Variants in ZNF611 observed in about 807,000 individuals in gnomAD.
The protein encoded by ZNF611 is zinc finger protein 611.
In ZNF611, 6 loss-of-function variants were observed where a neutral mutation model predicts 8.9. The ratio of observed to expected loss-of-function variants is 0.68; its 90% CI spans 0.37 to 1.34. ZNF611 has a LOEUF of 1.34. Among genes scored for constraint, ZNF611 ranks in the 40% most tolerant of loss-of-function variants. ZNF611 has a pLI of 0.02. For synonymous variants in ZNF611, 262 were observed against 279.7 expected (o/e 0.94, Z 0.63); for missense variants, 874 against 841.3 (o/e 1.04, Z -0.48).
chr19:52,715,062 C>A (rs2147428463), intron 4 of ZNF611, among the ~76,000 whole-genome samples: 1 of 152,152 alleles, frequency 6.6e-6, no homozygotes, highest in East Asian at 1.9e-4. Flanking sequence ...ATAGACATGC[C>A]AGATATTATG....
Position 52,705,902 on chromosome 19 carries a change from T to C in ZNF611, c.1153A>G (p.Ile385Val), listed in dbSNP as rs749577320. The C allele has an allele frequency of 1.2e-6, 2 of 1,614,104 alleles. No individual in the cohort carries two copies. The highest frequency in any genetic ancestry group is 1.1e-5 in the South Asian group (1 of 91,036). ...CDKVFSRKST[I>V]ETHKRIHTGE... ...GTATGAATTCTCTTATGTGTCTCAA[T>C]GGTTGATTTCCGACTGAAAACTTTG... Residue 385 changes from isoleucine to valine, a missense_variant, in exon 6 of 6, where the codon ATT becomes GTT. Physicochemically the swap from Ile to Val is conservative, Grantham distance 29 (BLOSUM62 3). Coordinates refer to ENST00000652185, the MANE Select transcript of ZNF611 (RefSeq NM_001161499.2).
At chr19:52,730,908 G>A (rs28785552) in intron 1 of ZNF611, among the ~76,000 whole-genome samples, 49,775 of 151,800 alleles carry the variant, frequency 0.33, 8,228 homozygotes, top group East Asian at 0.42. Flanking sequence ...TATAAAGAGA[G>A]ACATTAAAGA....
At position 52,706,723 on chromosome 19, in the gene ZNF611, T is replaced by C. The variant is rs1198242362; in HGVS notation, c.332A>G (p.His111Arg). ...TTCTTGACACTGAAACTCAATGTCA[T>C]GAATTTCTTTCTCAATTTCCTGGAA... Reference protein sequence around the residue: ...FCFQEIEKEIHDIEFQCQEDE... With the variant: ...FCFQEIEKEIRDIEFQCQEDE... The change falls in exon 6 of 6, where the codon CAT (histidine) becomes CGT (arginine). Residue 111 changes from histidine (H) to arginine (R), a missense_variant. Physicochemically the swap from His to Arg is conservative, Grantham distance 29. Coordinates refer to ENST00000652185, the MANE Select transcript of ZNF611 (RefSeq NM_001161499.2). 6.2e-7 allele frequency: 1 copy of C among 1,614,056 alleles called. No individual in the cohort carries two copies. The highest frequency in any genetic ancestry group is 1.3e-5 in the African/African-American group (1 of 74,932).
Position 52,704,321 on chromosome 19 carries a change from G to T in ZNF611, c.*616C>A. The T allele has an allele frequency of 1.7e-6, 1 of 589,136 alleles. No homozygotes were observed. Among genetic ancestry groups the T allele is most frequent in the Admixed American group, 2.0e-5 (1 of 51,128 alleles). The allele number at this position is 589,136 out of a possible 1,614,324, so 36.5% of individuals were successfully genotyped here. On this transcript the variant is annotated 3_prime_UTR_variant, in exon 6 of 6. Coordinates refer to ENST00000652185, the MANE Select transcript of ZNF611 (RefSeq NM_001161499.2). ...TGATGTTCTGCATGGAGTGATCTTG[G>T]ACTGAAGACCTTGCCACACTGATGA...
At chr19:52,707,089 C>T (rs1050783060) in intron 5 of ZNF611, among the ~76,000 whole-genome samples, 4 of 152,104 alleles carry the variant, frequency 2.6e-5, no homozygotes, top group African/African-American at 4.8e-5. Context: ...TGACAAAACA[C>T]TGACAGGGCA....
In ZNF611 at chr19:52,705,621, T is replaced by C; in HGVS notation, c.1434A>G (p.Gly478=). 4 of 1,613,960 alleles carry C rather than the reference T, an allele frequency of 2.5e-6. No homozygotes were observed. Among genetic ancestry groups the C allele is most frequent in the East Asian group, 2.2e-5 (1 of 44,876 alleles). Residue 478 remains glycine, a synonymous_variant, in exon 6 of 6, where the codon GGA becomes GGG. Transcript: ENST00000652185. The part of the protein sequence containing the change: ...QLAKHTRIDC[G]EKPYKCNECG... The stretch of plus-strand genomic sequence containing the variant: ...ATTCATTACACTTGTAAGGTTTTTC[T>C]CCACAGTCAATTCTAGTATGTTTTG...
intron 1 of ZNF611, among the ~76,000 whole-genome samples, chr19:52,733,142 T>C (rs976736505): frequency 5.3e-5 from 8 of 152,148 alleles, no homozygotes; most frequent in African/African-American, 1.7e-4. Flanking sequence ...CCAAGATTTA[T>C]AGAATGTACA....
chr19:52,706,740 T>G lies in ZNF611; in HGVS notation c.315A>C (p.Glu105Asp), dbSNP rs149123507. Reference sequence around the variant, plus strand: ...CAATGTCATGAATTTCTTTCTCAATTTCCTGGAAGCAAAAATCTCCAATGT... The same window carrying G: ...CAATGTCATGAATTTCTTTCTCAATGTCCTGGAAGCAAAAATCTCCAATGT... ...SHHIGDFCFQ[E>D]IEKEIHDIEF... Residue 105 changes from glutamate to aspartate, a missense_variant, in exon 6 of 6, where the codon GAA becomes GAC. By Grantham distance (45) the Glu-to-Asp change is conservative (BLOSUM62 2). Transcript: ENST00000652185. The G allele has an allele frequency of 4.5e-5, 72 of 1,614,058 alleles. No individual in the cohort carries two copies. The highest frequency in any genetic ancestry group is 5.1e-6 in the Non-Finnish European group (6 of 1,180,024).
At chr19:52,730,526 T>C (rs1290456884) in intron 1 of ZNF611, among the ~76,000 whole-genome samples, 1 of 151,958 alleles carries the variant, frequency 6.6e-6, no homozygotes, top group Non-Finnish European at 1.5e-5. Flanking sequence ...GTGAGAGAAT[T>C]TGGTCATGGG....
chr19:52,711,358 CA>C (rs55993682), intron 5 of ZNF611: 68,383 of 147,586 alleles, frequency 0.46, 16,264 homozygotes, highest in African/African-American at 0.62. Context: ...AAACAAAAAA[CA>C]AAAAAAAAAA....
chr19:52,718,675 C>G lies in ZNF611; in HGVS notation c.-19-2762G>C, dbSNP rs370187692. On this transcript the variant is annotated intron_variant, in intron 3 of 5. Transcript: ENST00000652185. ...TAGCCGGCCATGGTGGTGCGTGCCTCTAATCATAACTACTCAGGAGGCTGA... is the reference window on the plus strand; with the variant it reads ...TAGCCGGCCATGGTGGTGCGTGCCTGTAATCATAACTACTCAGGAGGCTGA... 2.5e-4 allele frequency among the ~76,000 whole-genome samples: 37 copies of G among 150,848 alleles called. No homozygotes were observed. In the East Asian group the frequency reaches 4.6e-3, roughly 19 times the overall value.
chr19:52,706,907 T>C, intron 5 of ZNF611, 43 bp from the exon 6 acceptor site: 5 of 1,571,500 alleles, frequency 3.2e-6, no homozygotes, highest in South Asian at 1.2e-5. Flanking sequence ...TAAGTACAGA[T>C]GGTAAATCAC....
intron 5 of ZNF611, 59 bp downstream of exon 5, chr19:52,713,956 A>G: frequency 1.9e-6 from 3 of 1,598,974 alleles, no homozygotes; most frequent in South Asian, 1.1e-5. Context: ...ATACAAAGCC[A>G]GGATGAGCCA....
intron 3 of ZNF611, among the ~76,000 whole-genome samples, chr19:52,726,059 A>G (rs61407341): frequency 0.033 from 5,064 of 152,320 alleles, 253 homozygotes; most frequent in African/African-American, 0.11. Context: ...TGGGCGGAAC[A>G]TACGATTTCA....
chr19:52,715,025 C>CA (rs2062307281), intron 4 of ZNF611, among the ~76,000 whole-genome samples: 1 of 151,898 alleles, frequency 6.6e-6, no homozygotes, highest in Non-Finnish European at 1.5e-5. Flanking sequence ...CAAAACAAAA[C>CA]AAAAAAACAA....
chr19:52,716,927 G>A (rs1238526541), intron 3 of ZNF611, among the ~76,000 whole-genome samples: 3 of 152,054 alleles, frequency 2.0e-5, no homozygotes, highest in South Asian at 2.1e-4. Context: ...CATCTACTTG[G>A]GAAGCTGAGG....
chr19:52,729,385 C>G (rs2062410780), intron 2 of ZNF611, among the ~76,000 whole-genome samples: 1 of 149,172 alleles, frequency 6.7e-6, no homozygotes, highest in African/African-American at 2.5e-5. Context: ...CCCAGCTACT[C>G]AGGAGACTGA....
At chr19:52,716,097 T>A in intron 3 of ZNF611, 184 bp from the exon 4 acceptor site, 1 of 634,478 alleles carries the variant, frequency 1.6e-6, no homozygotes. Context: ...TTGACCCCAG[T>A]CTTCAGATCT....
chr19:52,726,720 GTGTT>G (rs1281923016), intron 3 of ZNF611, among the ~76,000 whole-genome samples: 1 of 130,072 alleles, frequency 7.7e-6, no homozygotes, highest in East Asian at 2.1e-4. Flanking sequence ...GCTCGGCCTT[GTGTT>G]TTTTTTTTTT....
Sources: allele counts gnomAD v4.1 joint callset (sites outside exome capture counted in the v4.1 genomes callset), GRCh38; gene constraint gnomAD v4.1.1; transcripts MANE v1.5; gene names NCBI Gene and HGNC (gene_info 2026-07-23, HGNC 2026-07-21).